Variants in SVIL observed in about 807,000 individuals in gnomAD.
The protein encoded by SVIL is archvillin.
In SVIL, 101 loss-of-function variants were observed where a neutral mutation model predicts 240.4. The ratio of observed to expected loss-of-function variants is 0.42; its 90% CI spans 0.36 to 0.50. The LOEUF (loss-of-function observed/expected upper bound fraction) is 0.50. Among genes scored for constraint, SVIL ranks in the 20% least tolerant of loss-of-function variants. The probability of loss-of-function intolerance (pLI) is 0.01; values close to 1 mark genes in which losing one functional copy is unlikely to be tolerated. For synonymous variants in SVIL, 999 were observed against 1,100.0 expected (o/e 0.91, Z 1.82); for missense variants, 2,512 against 2,818.7 (o/e 0.89, Z 2.46).
At chr10:29,553,789 C>A (rs540990025) in intron 5 of SVIL, among the ~76,000 whole-genome samples, 2 of 152,242 alleles carry the variant, frequency 1.3e-5, no homozygotes, top group South Asian at 4.1e-4. Flanking sequence ...AAATATGCAA[C>A]GTATTTAAAA....
At chr10:29,599,120 A>C (rs1164952725) in intron 1 of SVIL, among the ~76,000 whole-genome samples, 1 of 152,170 alleles carries the variant, frequency 6.6e-6, no homozygotes, top group African/African-American at 2.4e-5. Flanking sequence ...TTAGCTTTAG[A>C]AACATTTGAT....
intron 2 of SVIL, among the ~76,000 whole-genome samples, chr10:29,683,994 A>G (rs189182635): frequency 1.5e-3 from 225 of 152,344 alleles, no homozygotes; most frequent in African/African-American, 5.2e-3. Context: ...AAGTGCCATA[A>G]TTGAGTTGAA....
chr10:29,544,754 TAAAAAAAAAAAAAA>T (rs373279682), intron 6 of SVIL, among the ~76,000 whole-genome samples: 3 of 70,318 alleles, frequency 4.3e-5, no homozygotes, highest in Non-Finnish European at 8.0e-5. Flanking sequence ...AGACCTTTTC[TAAAAAAAAAAAAAA>T]AAAAAAAAAA....
intron 6 of SVIL, among the ~76,000 whole-genome samples, chr10:29,540,674 T>G (rs912266939): frequency 8.5e-5 from 13 of 152,052 alleles, no homozygotes; most frequent in African/African-American, 3.1e-4. Flanking sequence ...GGGATGCCAG[T>G]GTTCATGGAC....
intron 17 of SVIL, among the ~76,000 whole-genome samples, chr10:29,506,729 A>AGGAGGGGACAGAGGCCTTAGAG (rs1949351821): frequency 1.1e-5 from 1 of 92,280 alleles, no homozygotes; most frequent in South Asian, 4.0e-4. Context: ...GACTCTACGA[A>AGGAGGGGACAGAGGCCTTAGAG]GGAGGGGACA....
chr10:29,511,642 T>G (rs528314750), intron 17 of SVIL, among the ~76,000 whole-genome samples: 1 of 152,272 alleles, frequency 6.6e-6, no homozygotes, highest in African/African-American at 2.4e-5. Flanking sequence ...ATGCATATAC[T>G]TTCTAAATAT....
intron 2 of SVIL, among the ~76,000 whole-genome samples, chr10:29,685,324 T>C (rs994148269): frequency 6.6e-6 from 1 of 152,234 alleles, no homozygotes; most frequent in Non-Finnish European, 1.5e-5. Context: ...TCTACTACCA[T>C]TGATGGGCAT....
chr10:29,462,401 C>T lies in SVIL; in HGVS notation c.6278G>A (p.Gly2093Glu), dbSNP rs183106046. The T allele has an allele frequency of 6.2e-7, 1 of 1,613,990 alleles. No homozygotes were observed. The highest frequency in any genetic ancestry group is 1.3e-5 in the African/African-American group (1 of 75,042). The change falls in exon 36 of 38, where the codon GGA (glycine) becomes GAA (glutamate). Residue 2093 changes from glycine (G) to glutamate (E), a missense_variant and splice_region_variant. Physicochemically the swap from Gly to Glu is moderately conservative, Grantham distance 98. Coordinates refer to ENST00000355867, the MANE Select transcript of SVIL (RefSeq NM_021738.3). ...GGGGGCTGGTTTCTTGAGATTTTTT[C>T]CTGTAGTTACACAGATTGCAATGTC... ...AMETVLQYCK[G>E]KNLKKPAPKS...
chr10:29,600,630 G>A (rs2132836385), intron 1 of SVIL, among the ~76,000 whole-genome samples: 1 of 152,244 alleles, frequency 6.6e-6, no homozygotes, highest in East Asian at 1.9e-4. Flanking sequence ...TTGTCACTTG[G>A]GGATGCATTT....
chr10:29,687,983 T>C (rs907416053), intron 1 of SVIL, among the ~76,000 whole-genome samples: 1 of 152,094 alleles, frequency 6.6e-6, no homozygotes, highest in African/African-American at 2.4e-5. Flanking sequence ...GGGTAAGCCA[T>C]GAGAAACAAG....
intron 18 of SVIL, among the ~76,000 whole-genome samples, chr10:29,495,816 T>A (rs539556921): frequency 2.6e-5 from 4 of 151,270 alleles, no homozygotes; most frequent in African/African-American, 9.7e-5. Context: ...GGGCAAGTGG[T>A]GAGAGACACA....
At chr10:29,722,151 T>A (rs1357204384) in intron 1 of SVIL, among the ~76,000 whole-genome samples, 1 of 148,294 alleles carries the variant, frequency 6.7e-6, no homozygotes, top group East Asian at 2.0e-4. Flanking sequence ...GGCCAGAGAA[T>A]CGTTTGAACC....
chr10:29,658,692 G>A (rs1959075084), intron 2 of SVIL, among the ~76,000 whole-genome samples: 1 of 152,160 alleles, frequency 6.6e-6, no homozygotes, highest in Admixed American at 6.5e-5. Context: ...GGAGGTTAAG[G>A]CTGCAGTGAG....
intron 1 of SVIL, among the ~76,000 whole-genome samples, chr10:29,699,799 C>T (rs1055882531): frequency 4.6e-5 from 7 of 152,352 alleles, no homozygotes; most frequent in African/African-American, 1.7e-4. Context: ...GCCCAGGCCT[C>T]CGGGCACCTG....
chr10:29,481,501 C>G, intron 28 of SVIL, 83 bp downstream of exon 28: 1 of 1,567,614 alleles, frequency 6.4e-7, no homozygotes, highest in South Asian at 1.1e-5. Flanking sequence ...ACGAACTATC[C>G]TGATTTGATC....
chr10:29,661,540 C>T (rs544064170), intron 2 of SVIL, among the ~76,000 whole-genome samples: 21 of 152,238 alleles, frequency 1.4e-4, no homozygotes, highest in African/African-American at 3.9e-4. Flanking sequence ...CTCTTCTCTC[C>T]GGGGCTCTCT....
intron 1 of SVIL, among the ~76,000 whole-genome samples, chr10:29,590,897 A>C (rs1371070949): frequency 1.3e-5 from 2 of 152,218 alleles, no homozygotes. Flanking sequence ...CATCTCCCAA[A>C]GCCAATTTTA....
intron 1 of SVIL, among the ~76,000 whole-genome samples, chr10:29,610,331 A>T (rs888865632): frequency 1.3e-5 from 2 of 151,874 alleles, no homozygotes; most frequent in Admixed American, 1.3e-4. Flanking sequence ...CATCCTCCAT[A>T]GGGCCACAGC....
At chr10:29,548,698 C>G (rs1386201418) in intron 6 of SVIL, among the ~76,000 whole-genome samples, 1 of 152,186 alleles carries the variant, frequency 6.6e-6, no homozygotes, top group Non-Finnish European at 1.5e-5. Context: ...ATATTGCAGT[C>G]ATACTTCTGT....
Sources: gnomAD v4.1 joint callset for allele counts (sites outside exome capture counted in the v4.1 genomes callset) on GRCh38, gnomAD v4.1.1 for gene constraint, MANE v1.5 for transcripts, NCBI Gene and HGNC (gene_info 2026-07-23, HGNC 2026-07-21) for gene names.